The following SMYD3 variants were observed in gnomAD, a reference collection of about 807,000 sequenced individuals.
SMYD3 encodes the protein SET and MYND domain containing 3.
A neutral mutation model predicts 57.7 loss-of-function variants in SMYD3; 36 were observed. The observed-to-expected ratio is 0.62, with a 90% CI of 0.48 to 0.82. The LOEUF (loss-of-function observed/expected upper bound fraction) is 0.82, where lower values mean the gene tolerates loss of function less well. Among genes scored for constraint, SMYD3 ranks in the 40% least tolerant of loss-of-function variants. The pLI is 0.00. For synonymous variants in SMYD3, 211 were observed against 195.0 expected, an observed-to-expected ratio of 1.08 and a Z score of -0.68; for missense variants, 515 against 538.8, an observed-to-expected ratio of 0.96 and a Z score of 0.44.
chr1:246,148,966 G>C (rs149996653), intron 5 of SMYD3, among the ~76,000 whole-genome samples: 13 of 152,318 alleles, frequency 8.5e-5, no homozygotes, highest in African/African-American at 2.9e-4. Flanking sequence ...ACAACTCAGG[G>C]TGGGTCCCAG....
chr1:246,347,706 C>T (rs545144220), intron 2 of SMYD3, among the ~76,000 whole-genome samples: 14 of 152,238 alleles, frequency 9.2e-5, no homozygotes, highest in African/African-American at 2.4e-4. Context: ...TGTCTCCTGG[C>T]CCTTCCACCA....
intron 5 of SMYD3, among the ~76,000 whole-genome samples, chr1:246,093,713 T>C (rs1355768781): frequency 6.6e-6 from 1 of 152,196 alleles, no homozygotes; most frequent in Non-Finnish European, 1.5e-5. Context: ...ATGATTTAAG[T>C]TCCTAAAACT....
chr1:246,391,850 C>A (rs376023305), intron 1 of SMYD3, among the ~76,000 whole-genome samples: 1 of 152,184 alleles, frequency 6.6e-6, no homozygotes, highest in Non-Finnish European at 1.5e-5. Flanking sequence ...CCTATCAGCA[C>A]AACCCATGGC....
intron 1 of SMYD3, among the ~76,000 whole-genome samples, chr1:246,361,641 C>T (rs777443993): frequency 1.3e-5 from 2 of 152,130 alleles, no homozygotes; most frequent in Admixed American, 6.5e-5. Context: ...TAATGGCATT[C>T]GCAGCCACCT....
intron 5 of SMYD3, among the ~76,000 whole-genome samples, chr1:246,208,462 T>C (rs1236824781): frequency 6.6e-6 from 1 of 152,104 alleles, no homozygotes; most frequent in Non-Finnish European, 1.5e-5. Context: ...TTAATACACT[T>C]CCCCAGTACT....
chr1:245,905,864 A>G (rs1210615151), intron 8 of SMYD3, among the ~76,000 whole-genome samples: 1 of 152,218 alleles, frequency 6.6e-6, no homozygotes, highest in African/African-American at 2.4e-5. Flanking sequence ...ATGGTGAACT[A>G]ATTTTTGATA....
intron 6 of SMYD3, among the ~76,000 whole-genome samples, chr1:245,928,873 GC>G (rs1470869608): frequency 6.6e-6 from 1 of 152,148 alleles, no homozygotes; most frequent in East Asian, 1.9e-4. Flanking sequence ...TGCATCCTGG[GC>G]CATGGTCCAG....
intron 5 of SMYD3, among the ~76,000 whole-genome samples, chr1:246,253,386 C>T (rs6688725): frequency 0.18 from 26,919 of 152,012 alleles, 2,707 homozygotes; most frequent in East Asian, 0.34. Context: ...TTTTTGTTCC[C>T]GTATTAATTC....
intron 5 of SMYD3, among the ~76,000 whole-genome samples, chr1:246,040,424 T>C (rs2059848667): frequency 2.0e-5 from 3 of 152,222 alleles, no homozygotes. Context: ...GGGCTCAGAA[T>C]GGTGCTGACC....
chr1:246,215,882 T>G (rs1413779414), intron 5 of SMYD3, among the ~76,000 whole-genome samples: 1 of 152,156 alleles, frequency 6.6e-6, no homozygotes. Flanking sequence ...TTGAAAGGTA[T>G]AATTCCTTAA....
chr1:246,379,781 C>T (rs2066358136), intron 1 of SMYD3, among the ~76,000 whole-genome samples: 1 of 152,194 alleles, frequency 6.6e-6, no homozygotes, highest in Admixed American at 6.5e-5. Flanking sequence ...GGATGGATCA[C>T]TTAAGGCCAG....
chr1:246,202,025 A>AAC lies in SMYD3; in HGVS notation c.531+125175_531+125176insGT, dbSNP rs2062930339. 6.6e-6 allele frequency among the ~76,000 whole-genome samples: 1 copy of AAC among 151,744 alleles called. No individual in the cohort carries two copies. The highest frequency in any genetic ancestry group is 2.4e-5 in the African/African-American group (1 of 41,268). On this transcript the variant is annotated intron_variant, in intron 5 of 11. Transcript: ENST00000490107. The surrounding 1 kb of genome is among the most constrained non-coding windows in gnomAD (Gnocchi z 4.1). ...CTCTGTCTCAATTTAAAAAAAAAAAACAAAAAAAAGCCATTTTTAAATGAT... is the reference window on the plus strand; with the variant it reads ...CTCTGTCTCAATTTAAAAAAAAAAAAACCAAAAAAAAGCCATTTTTAAATGAT...
At chr1:246,464,820 T>C (rs1365754902) in intron 1 of SMYD3, among the ~76,000 whole-genome samples, 1 of 152,202 alleles carries the variant, frequency 6.6e-6, no homozygotes, top group Non-Finnish European at 1.5e-5. Context: ...CATGGATCTG[T>C]TAATGTTTAT....
chr1:245,803,911 G>GT (rs2048001347), intron 10 of SMYD3, among the ~76,000 whole-genome samples: 1 of 68,648 alleles, frequency 1.5e-5, no homozygotes, highest in Non-Finnish European at 3.7e-5. Context: ...ACGTAAGTCA[G>GT]TATTTTTTTT....
intron 1 of SMYD3, among the ~76,000 whole-genome samples, chr1:246,474,792 T>C (rs759963823): frequency 2.0e-5 from 3 of 152,164 alleles, no homozygotes; most frequent in Non-Finnish European, 4.4e-5. Flanking sequence ...TTCTTTCCAG[T>C]ATCTCCCTTT....
At chr1:245,841,284 C>G (rs1000410410) in intron 10 of SMYD3, among the ~76,000 whole-genome samples, 1 of 152,064 alleles carries the variant, frequency 6.6e-6, no homozygotes, top group Non-Finnish European at 1.5e-5. Flanking sequence ...AATTAAATAG[C>G]CAAAAAGTGA....
chr1:246,020,442 A>G (rs1485568479), intron 5 of SMYD3, among the ~76,000 whole-genome samples: 1 of 152,190 alleles, frequency 6.6e-6, no homozygotes, highest in Non-Finnish European at 1.5e-5. Flanking sequence ...AAGTCTGTAA[A>G]TTCTGTTTCC....
At chr1:245,940,135 C>G (rs949208005) in intron 5 of SMYD3, among the ~76,000 whole-genome samples, 1 of 152,190 alleles carries the variant, frequency 6.6e-6, no homozygotes, top group African/African-American at 2.4e-5. Context: ...ACTCTGATCT[C>G]CCCGGGACAC....
At chr1:246,213,376 C>T (rs372881407) in intron 5 of SMYD3, among the ~76,000 whole-genome samples, 1 of 152,088 alleles carries the variant, frequency 6.6e-6, no homozygotes, top group South Asian at 2.1e-4. Context: ...AGCTCATCCG[C>T]AAGAAGACAA....
Sources: allele counts gnomAD v4.1 joint callset (sites outside exome capture counted in the v4.1 genomes callset), GRCh38; gene constraint gnomAD v4.1.1; non-coding constraint Gnocchi (gnomAD v3.1); transcripts MANE v1.5; gene names NCBI Gene and HGNC (gene_info 2026-07-23, HGNC 2026-07-21).